CDH26: variants seen among roughly 807,000 people sequenced by gnomAD.
CDH26 encodes the protein cadherin 26, also known as cadherin-like protein 26.
Under a neutral mutation model 90.3 loss-of-function variants are expected in CDH26, and 83 were observed. That is an observed-to-expected ratio of 0.92 (90% confidence interval 0.77 to 1.10). CDH26 has a LOEUF of 1.10. Among genes scored for constraint, CDH26 ranks in the 50% least tolerant of loss-of-function variants. The pLI is 0.00. For synonymous variants in CDH26, 397 were observed against 396.3 expected (o/e 1.00, Z -0.02); for missense variants, 1,013 against 1,037.6 (o/e 0.98, Z 0.33).
At chr20:60,028,259 T>A (rs1373412772) in intron 7 of CDH26, among the ~76,000 whole-genome samples, 2 of 152,216 alleles carry the variant, frequency 1.3e-5, no homozygotes, top group Non-Finnish European at 2.9e-5. Flanking sequence ...TAAACATTTT[T>A]AAAATGTTTT....
chr20:59,982,819 AG>A lies in CDH26; in HGVS notation c.394-103del, dbSNP rs2061409766. 3 of 1,333,412 alleles carry A rather than the reference AG, an allele frequency of 2.2e-6. No individual in the cohort carries two copies. The Admixed American group carries it at 5.8e-5, about 26-fold the overall frequency. The allele number at this position is 1,333,412 out of a possible 1,614,324, so 82.6% of individuals were successfully genotyped here. On this transcript the variant is annotated intron_variant, in intron 4 of 17. Transcript: ENST00000348616. Reference sequence around the variant, plus strand: ...TCCTGCCCTCCGGAACTCTCAGTCTAGAGGAGGAGACAGACGTAACACATAA... The same window carrying A: ...TCCTGCCCTCCGGAACTCTCAGTCTAAGGAGGAGACAGACGTAACACATAA...
intron 14 of CDH26, 67 bp downstream of exon 14, chr20:59,999,730 G>T: frequency 6.9e-7 from 1 of 1,451,768 alleles, no homozygotes; most frequent in South Asian, 1.2e-5. Flanking sequence ...CCCTGACAAG[G>T]AACACCTGGG....
rs1357970182 is a variant in CDH26 at position 59,967,941 on chromosome 20, TTCTTTCTTTCTTTCTA to T, written c.70-1010_70-995del. ...TTCCTTTCCTTTCCTTTCCCTTTCT[TTCTTTCTTTCTTTCTA>T]TCTTTCTTTCTTTCTTTCTTTCTTT... On this transcript the variant is annotated intron_variant, in intron 1 of 17. Transcript: ENST00000348616. 7.2e-3 allele frequency among the ~76,000 whole-genome samples: 806 copies of T among 111,888 alleles called. 60 individuals carry two copies. The highest frequency in any genetic ancestry group is 0.035 in the African/African-American group (685 of 19,796). The allele number at this position is 111,888 out of a possible 152,430, so 73.4% of individuals were successfully genotyped here.
intron 4 of CDH26, among the ~76,000 whole-genome samples, chr20:59,980,151 GT>G: frequency 6.6e-6 from 1 of 152,232 alleles, no homozygotes; most frequent in African/African-American, 2.4e-5. Context: ...CAGTTTAGCT[GT>G]TCTAAAAGGT....
At chr20:59,984,549 C>A (rs2061429303) in intron 5 of CDH26, 90 bp from the exon 6 acceptor site, 2 of 1,015,314 alleles carry the variant, frequency 2.0e-6, no homozygotes, top group Non-Finnish European at 2.9e-6. Flanking sequence ...TGGTATATGC[C>A]CCAATGCCAT....
At chr20:59,986,722 GA>G (rs1395607889) in intron 7 of CDH26, among the ~76,000 whole-genome samples, 12 of 151,836 alleles carry the variant, frequency 7.9e-5, no homozygotes, top group East Asian at 3.9e-4. Flanking sequence ...ATCTGAAATG[GA>G]ATGTGGCACA....
intron 12 of CDH26, 100 bp from the exon 13 acceptor site, chr20:59,996,531 A>T (rs1381654077): frequency 6.2e-7 from 1 of 1,614,040 alleles, no homozygotes. Flanking sequence ...TGGCCTTGCC[A>T]GTTCATGACT....
At position 59,989,087 on chromosome 20, in the gene CDH26, G is replaced by A; in HGVS notation, c.1207G>A (p.Val403Ile). The A allele has an allele frequency of 6.2e-7, 1 of 1,614,190 alleles. No individual in the cohort carries two copies. Among genetic ancestry groups the A allele is most frequent in the East Asian group, 2.2e-5 (1 of 44,878 alleles). ...PPAFHPQSFI[V>I]NKEEGARPGT... ...AGCCTTTCACCCCCAGAGCTTCATT[G>A]TCAATAAAGAGGAGGGCGCCAGGCC... The change falls in exon 9 of 18, where the codon GTC (valine) becomes ATC (isoleucine). Residue 403 changes from valine (V) to isoleucine (I), a missense_variant. Coordinates refer to ENST00000348616, the MANE Select transcript of CDH26 (RefSeq NM_177980.4).
At chr20:59,959,918 C>A (rs1255550717) in intron 1 of CDH26, among the ~76,000 whole-genome samples, 10 of 152,164 alleles carry the variant, frequency 6.6e-5, no homozygotes, top group Non-Finnish European at 1.2e-4. Flanking sequence ...GGTAATGTTG[C>A]ATGCGCTTGT....
At chr20:59,981,083 G>A (rs2145982667) in intron 4 of CDH26, among the ~76,000 whole-genome samples, 1 of 152,160 alleles carries the variant, frequency 6.6e-6, no homozygotes, top group East Asian at 1.9e-4. Context: ...TTCTGTTTCA[G>A]TGATGTATAT....
At chr20:60,000,204 CA>C (rs2061658091) in intron 14 of CDH26, among the ~76,000 whole-genome samples, 1 of 152,196 alleles carries the variant, frequency 6.6e-6, no homozygotes, top group African/African-American at 2.4e-5. Context: ...AGGCTAGCAC[CA>C]GAGTGACACT....
chr20:60,020,990 C>T (rs1159102612), intron 7 of CDH26, among the ~76,000 whole-genome samples: 3 of 152,350 alleles, frequency 2.0e-5, no homozygotes, highest in African/African-American at 7.2e-5. Context: ...GGTGCAGATG[C>T]ACGGTGCCTC....
rs543509787 is a variant in CDH26 at position 59,973,388 on chromosome 20, T to TTTA, written c.393+1280_393+1282dup. 9.0e-3 allele frequency among the ~76,000 whole-genome samples: 1,374 copies of TTTA among 152,278 alleles called. 14 individuals are homozygous for TTTA. Among genetic ancestry groups the TTTA allele is most frequent in the Non-Finnish European group, 0.016 (1,095 of 68,022 alleles). ...TCAATATTTTATTTTTTCCTTTCCT[T>TTTA]TTATTATTATTATTATTTTTAACTT... On this transcript the variant is annotated intron_variant, in intron 4 of 17. Transcript: ENST00000348616.
chr20:60,034,824 C>A (rs1601239381), downstream of CDH26, among the ~76,000 whole-genome samples: 1 of 152,216 alleles, frequency 6.6e-6, no homozygotes, highest in African/African-American at 2.4e-5. Flanking sequence ...ACACCACAAA[C>A]AACAGCAGTG....
rs80147900 is a variant in CDH26 at position 59,971,868 on chromosome 20, A to G, written c.232-94A>G. ...GTGCCATTGCTGGGTATAATTTCTT[A>G]AAGATGCCATTGATTCTTAGCCTTG... On this transcript the variant is annotated intron_variant, in intron 3 of 17. Transcript: ENST00000348616. The G allele has an allele frequency of 6.3e-3, 6,362 of 1,009,974 alleles. 246 individuals carry two copies. In the African/African-American group the frequency reaches 0.084, roughly 13 times the overall value. The allele number at this position is 1,009,974 out of a possible 1,614,324, so 62.6% of individuals were successfully genotyped here.
chr20:60,001,296 G>A (rs1402336587), intron 14 of CDH26, 47 bp from the exon 15 acceptor site: 1 of 1,610,558 alleles, frequency 6.2e-7, no homozygotes, highest in Non-Finnish European at 8.5e-7. Context: ...GTTTCCAGCT[G>A]GAGAGAAATC....
At chr20:59,966,542 G>A (rs534798985) in intron 1 of CDH26, among the ~76,000 whole-genome samples, 5 of 152,288 alleles carry the variant, frequency 3.3e-5, no homozygotes, top group South Asian at 2.1e-4. Context: ...CTGCAAGTGC[G>A]TGAGCAAGTG....
At chr20:60,009,611 G>C (rs771196725) in intron 17 of CDH26, among the ~76,000 whole-genome samples, 6 of 152,066 alleles carry the variant, frequency 3.9e-5, no homozygotes, top group Non-Finnish European at 7.4e-5. Flanking sequence ...AGCTCTGCTT[G>C]GTGGTGTGAG....
chr20:59,987,188 T>C (rs1266381246), intron 7 of CDH26, among the ~76,000 whole-genome samples: 1 of 152,072 alleles, frequency 6.6e-6, no homozygotes, highest in African/African-American at 2.4e-5. Flanking sequence ...GATTTAAGAG[T>C]ACTTTAAGAA....
Sources: gnomAD v4.1 joint callset for allele counts (sites outside exome capture counted in the v4.1 genomes callset) on GRCh38, gnomAD v4.1.1 for gene constraint, MANE v1.5 for transcripts, NCBI Gene and HGNC (gene_info 2026-07-23, HGNC 2026-07-21) for gene names.